The following PTPRN2 variants were observed in gnomAD, a reference collection of about 807,000 sequenced individuals.
PTPRN2 encodes receptor-type tyrosine-protein phosphatase N2.
PTPRN2 carries 74 observed loss-of-function variants against 118.8 expected under a neutral mutation model. That is an observed-to-expected ratio of 0.62 (90% CI 0.52 to 0.76). The LOEUF (loss-of-function observed/expected upper bound fraction) is 0.76. Among genes scored for constraint, PTPRN2 ranks in the 30% least tolerant of loss-of-function variants. The pLI is 0.00. For synonymous variants in PTPRN2, 641 were observed against 608.0 expected (o/e 1.05, Z -0.80); for missense variants, 1,481 against 1,394.4 (o/e 1.06, Z -0.99).
chr7:157,975,227 C>T (rs1368323800), intron 11 of PTPRN2, among the ~76,000 whole-genome samples: 1 of 152,184 alleles, frequency 6.6e-6, no homozygotes, highest in African/African-American at 2.4e-5. Flanking sequence ...TGTCCACTCT[C>T]TTGTCCACCC....
In PTPRN2 at chr7:158,263,424, GCA is replaced by G. The variant is rs67067656; in HGVS notation, c.277+53393_277+53394del. Reference sequence around the variant, plus strand: ...ATTCATCCACAATGCACAAACACATGCACACACACACAGGCACACACACACAG... The same window carrying G: ...ATTCATCCACAATGCACAAACACATGCACACACACAGGCACACACACACAG... On this transcript the variant is annotated intron_variant, in intron 3 of 22. Transcript: ENST00000389418. 8.5e-3 allele frequency among the ~76,000 whole-genome samples: 1,282 copies of G among 151,596 alleles called. 15 individuals carry two copies. The highest frequency in any genetic ancestry group is 0.029 in the African/African-American group (1,202 of 41,284).
chr7:158,444,639 C>G (rs116872999), intron 2 of PTPRN2, among the ~76,000 whole-genome samples: 5 of 152,128 alleles, frequency 3.3e-5, no homozygotes, highest in Non-Finnish European at 7.4e-5. Flanking sequence ...AGCCTCGGAC[C>G]GTGCAGCTGC....
Position 158,563,672 on chromosome 7 carries a change from C to T in PTPRN2, c.112+23886G>A, listed in dbSNP as rs990590013. 4.6e-5 allele frequency among the ~76,000 whole-genome samples: 7 copies of T among 152,344 alleles called. No homozygotes were observed. The South Asian group carries it at 1.4e-3, about 32-fold the overall frequency. The stretch of plus-strand genomic sequence containing the variant: ...AGGGCACACCCTCTGCAGAGACTCA[C>T]AGGCATGTGGCGTGGCAGTACATGA... On this transcript the variant is annotated intron_variant, in intron 1 of 22. Transcript: ENST00000389418. The surrounding 1 kb of genome is among the most constrained non-coding windows in gnomAD (Gnocchi z 5.1).
intron 11 of PTPRN2, among the ~76,000 whole-genome samples, chr7:158,023,825 C>T (rs73745086): frequency 9.7e-4 from 148 of 152,122 alleles, no homozygotes; most frequent in Middle Eastern, 3.4e-3. Flanking sequence ...AGCAGGCACA[C>T]ACATGCAGGC....
intron 13 of PTPRN2, among the ~76,000 whole-genome samples, chr7:157,664,709 T>C (rs1045261121): frequency 2.0e-5 from 3 of 152,186 alleles, no homozygotes; most frequent in Non-Finnish European, 4.4e-5. Flanking sequence ...CAGTGAGCTA[T>C]GATTGCACCA....
At chr7:158,223,740 G>A (rs1828540234) in intron 3 of PTPRN2, among the ~76,000 whole-genome samples, 1 of 152,018 alleles carries the variant, frequency 6.6e-6, no homozygotes, top group Non-Finnish European at 1.5e-5. Flanking sequence ...AGCTTTCACT[G>A]AAGACTAGGA....
intron 12 of PTPRN2, among the ~76,000 whole-genome samples, chr7:157,735,071 C>T (rs904427494): frequency 2.0e-5 from 3 of 152,234 alleles, no homozygotes; most frequent in African/African-American, 7.2e-5. Flanking sequence ...GAGCACCTGG[C>T]CTGGTGGACC....
intron 1 of PTPRN2, among the ~76,000 whole-genome samples, chr7:158,556,619 G>A (rs961817881): frequency 6.6e-6 from 1 of 152,190 alleles, no homozygotes; most frequent in Non-Finnish European, 1.5e-5. Context: ...GGTGAATGGA[G>A]ATGATTCAAA....
At chr7:157,830,085 T>A (rs957951919) in intron 12 of PTPRN2, among the ~76,000 whole-genome samples, 1 of 128,552 alleles carries the variant, frequency 7.8e-6, no homozygotes, top group Non-Finnish European at 1.6e-5. Context: ...CCTTTCTGGA[T>A]GGTGTCCTTG....
At chr7:158,322,150 C>T (rs935702228) in intron 2 of PTPRN2, among the ~76,000 whole-genome samples, 2 of 152,162 alleles carry the variant, frequency 1.3e-5, no homozygotes, top group Non-Finnish European at 2.9e-5. Flanking sequence ...TGCTTGGCTG[C>T]CTCCGCCCCA....
Position 157,981,991 on chromosome 7 carries a change from CT to C in PTPRN2, c.1724-83255del, listed in dbSNP as rs56820690. 1.2e-3 allele frequency among the ~76,000 whole-genome samples: 179 copies of C among 143,624 alleles called. 2 individuals carry two copies. The highest frequency in any genetic ancestry group is 3.9e-3 in the Middle Eastern group (1 of 258). The allele number at this position is 143,624 out of a possible 152,430, so 94.2% of individuals were successfully genotyped here. A position where few individuals can be genotyped will look rare whatever the true frequency, so the allele number is the denominator to read the frequency against. On this transcript the variant is annotated intron_variant, in intron 11 of 22. Coordinates refer to ENST00000389418, the MANE Select transcript of PTPRN2 (RefSeq NM_002847.5). Reference sequence around the variant, plus strand: ...GAGTGCAGGGTACCGCCCAGAACCCCTGAGTCATAGAGACAAGGAGGGGAAT... The same window carrying C: ...GAGTGCAGGGTACCGCCCAGAACCCCGAGTCATAGAGACAAGGAGGGGAAT...
chr7:157,899,876 G>A (rs577602003), intron 11 of PTPRN2, among the ~76,000 whole-genome samples: 2 of 152,334 alleles, frequency 1.3e-5, no homozygotes, highest in East Asian at 3.9e-4. Flanking sequence ...TTATGATGGG[G>A]TAGAGCCCCA....
chr7:157,718,396 A>G (rs1208189996), intron 12 of PTPRN2, among the ~76,000 whole-genome samples: 1 of 152,214 alleles, frequency 6.6e-6, no homozygotes, highest in Non-Finnish European at 1.5e-5. Context: ...GGGCCAGCAC[A>G]GGTCAGGCTG....
At chr7:157,773,191 A>G (rs747987003) in intron 12 of PTPRN2, among the ~76,000 whole-genome samples, 11 of 152,108 alleles carry the variant, frequency 7.2e-5, no homozygotes, top group Non-Finnish European at 1.0e-4. Context: ...GGGGTCCTCC[A>G]CCTCCGCTTT....
intron 11 of PTPRN2, among the ~76,000 whole-genome samples, chr7:157,979,765 C>T (rs924751679): frequency 1.3e-5 from 2 of 152,230 alleles, no homozygotes; most frequent in South Asian, 2.1e-4. Flanking sequence ...ATGGGCTGGA[C>T]TTTATGACTC....
At chr7:157,553,995 C>T (rs56145442) in intron 21 of PTPRN2, among the ~76,000 whole-genome samples, 25,265 of 92,174 alleles carry the variant, frequency 0.27, 4,960 homozygotes, top group Middle Eastern at 0.47. Flanking sequence ...TGCCCGCTCT[C>T]GTGCCCTCCT....
chr7:158,268,527 C>A (rs1798050778), intron 3 of PTPRN2, among the ~76,000 whole-genome samples: 1 of 143,668 alleles, frequency 7.0e-6, no homozygotes, highest in Non-Finnish European at 1.5e-5. Flanking sequence ...TGTGAAATAT[C>A]CCAGCCACAC....
At chr7:157,817,613 C>T (rs1013486653) in intron 12 of PTPRN2, among the ~76,000 whole-genome samples, 3 of 152,206 alleles carry the variant, frequency 2.0e-5, no homozygotes, top group Non-Finnish European at 2.9e-5. Context: ...GAGGACCTGT[C>T]GACCAGGGAC....
At chr7:158,179,284 G>T (rs762457180) in intron 5 of PTPRN2, among the ~76,000 whole-genome samples, 4 of 151,922 alleles carry the variant, frequency 2.6e-5, no homozygotes, top group Non-Finnish European at 4.4e-5. Flanking sequence ...TTCATATGTT[G>T]TTGCCCATTT....
Sources: allele counts gnomAD v4.1 joint callset (sites outside exome capture counted in the v4.1 genomes callset), GRCh38; gene constraint gnomAD v4.1.1; non-coding constraint Gnocchi (gnomAD v3.1); transcripts MANE v1.5; gene names NCBI Gene and HGNC (gene_info 2026-07-23, HGNC 2026-07-21).